CPNE4: variants seen among roughly 807,000 people sequenced by gnomAD.
The protein encoded by CPNE4 is copine 4.
Under a neutral mutation model 67.9 loss-of-function variants are expected in CPNE4, and 25 were observed. The observed-to-expected ratio is 0.37, with a 90% CI of 0.27 to 0.51. The LOEUF is 0.51. Among genes scored for constraint, CPNE4 ranks in the 20% least tolerant of loss-of-function variants. The pLI, the probability that CPNE4 is intolerant of heterozygous loss-of-function variation, is 0.93. For missense variants in CPNE4, 464 were observed against 690.8 expected, an observed-to-expected ratio of 0.67 and a Z score of 3.68; for synonymous variants, 242 against 244.9, an observed-to-expected ratio of 0.99 and a Z score of 0.11.
intron 2 of CPNE4, among the ~76,000 whole-genome samples, chr3:131,752,309 C>G (rs755516157): frequency 1.3e-5 from 2 of 152,156 alleles, no homozygotes; most frequent in Non-Finnish European, 2.9e-5. Flanking sequence ...ATATTTTTCT[C>G]TGGTGTTTGG....
chr3:131,693,760 T>A (rs1453180862), intron 5 of CPNE4, among the ~76,000 whole-genome samples: 1 of 152,128 alleles, frequency 6.6e-6, no homozygotes, highest in Non-Finnish European at 1.5e-5. Context: ...TTACCTCCCC[T>A]CTTCCTGGCT....
chr3:131,826,089 A>G (rs2085147110), intron 2 of CPNE4, among the ~76,000 whole-genome samples: 2 of 152,334 alleles, frequency 1.3e-5, no homozygotes, highest in Non-Finnish European at 2.9e-5. Flanking sequence ...TTCCTTCAAT[A>G]GGACCATTTG....
intron 2 of CPNE4, among the ~76,000 whole-genome samples, chr3:131,899,765 A>G (rs1178119479): frequency 6.6e-6 from 1 of 152,156 alleles, no homozygotes; most frequent in Non-Finnish European, 1.5e-5. Flanking sequence ...CCATTTTCAT[A>G]AAAGTTCTAG....
At chr3:131,714,799 C>T (rs1276879231) in intron 3 of CPNE4, among the ~76,000 whole-genome samples, 1 of 152,064 alleles carries the variant, frequency 6.6e-6, no homozygotes, top group South Asian at 2.1e-4. Context: ...AGTTTGGGAA[C>T]CACTGCCCTG....
chr3:131,860,694 T>C (rs2086640719), intron 2 of CPNE4, among the ~76,000 whole-genome samples: 1 of 151,128 alleles, frequency 6.6e-6, no homozygotes, highest in South Asian at 2.1e-4. Context: ...GGTTTTTTTA[T>C]CTGGAAATAG....
At chr3:131,545,530 A>G (rs2107635099) in intron 14 of CPNE4, among the ~76,000 whole-genome samples, 1 of 152,324 alleles carries the variant, frequency 6.6e-6, no homozygotes, top group East Asian at 1.9e-4. Context: ...AAAAAAACAC[A>G]TATTTTCCTG....
intron 2 of CPNE4, among the ~76,000 whole-genome samples, chr3:131,810,248 C>T (rs2084470961): frequency 6.6e-6 from 1 of 151,964 alleles, no homozygotes; most frequent in African/African-American, 2.4e-5. Context: ...AAACAATCAG[C>T]AAAATGAAGA....
chr3:131,948,356 C>A (rs942458998), intron 1 of CPNE4, among the ~76,000 whole-genome samples: 1 of 152,166 alleles, frequency 6.6e-6, no homozygotes, highest in Non-Finnish European at 1.5e-5. Context: ...GTCCTGCCAT[C>A]CTGTGAAGAA....
intron 8 of CPNE4, among the ~76,000 whole-genome samples, chr3:131,584,162 A>G (rs920999294): frequency 2.0e-5 from 3 of 152,160 alleles, no homozygotes; most frequent in Non-Finnish European, 4.4e-5. Context: ...CTGATGCTAC[A>G]TACTGAGATT....
intron 7 of CPNE4, among the ~76,000 whole-genome samples, chr3:131,649,833 G>T (rs1428642853): frequency 6.6e-6 from 1 of 152,182 alleles, no homozygotes; most frequent in Admixed American, 6.5e-5. Context: ...TGGCCTAAAA[G>T]AAGGCCCATT....
At chr3:131,670,347 G>A (rs1034011315) in intron 6 of CPNE4, among the ~76,000 whole-genome samples, 3 of 152,118 alleles carry the variant, frequency 2.0e-5, no homozygotes, top group African/African-American at 4.8e-5. Context: ...TCCTGGAAAG[G>A]CGTGACAAAG....
chr3:131,630,998 C>G (rs537800016), intron 7 of CPNE4, among the ~76,000 whole-genome samples: 1 of 152,352 alleles, frequency 6.6e-6, no homozygotes, highest in Admixed American at 6.5e-5. Flanking sequence ...GCCACTTGGA[C>G]TGTGAGCTCA....
chr3:131,930,643 G>C (rs1560620845), intron 1 of CPNE4, among the ~76,000 whole-genome samples: 1 of 152,088 alleles, frequency 6.6e-6, no homozygotes, highest in African/African-American at 2.4e-5. Context: ...TTAGTACAGT[G>C]TCTGCCACAT....
At chr3:131,864,442 C>T (rs112087447) in intron 2 of CPNE4, among the ~76,000 whole-genome samples, 11,635 of 151,940 alleles carry the variant, frequency 0.077, 580 homozygotes, top group East Asian at 0.17. Context: ...AGTTGGATTC[C>T]TAGTTATTTT....
chr3:131,917,010 C>A (rs566285585), intron 1 of CPNE4, among the ~76,000 whole-genome samples: 1 of 152,158 alleles, frequency 6.6e-6, no homozygotes, highest in Non-Finnish European at 1.5e-5. Flanking sequence ...GGCTTTTCAT[C>A]ATCTGCCAGT....
At chr3:131,746,239 C>T (rs1201606458) in intron 2 of CPNE4, among the ~76,000 whole-genome samples, 1 of 151,920 alleles carries the variant, frequency 6.6e-6, no homozygotes, top group Non-Finnish European at 1.5e-5. Context: ...AATTAGCATG[C>T]CCACCATCTT....
chr3:132,023,587 A>T (rs1380523186), intron 1 of CPNE4, among the ~76,000 whole-genome samples: 2 of 138,846 alleles, frequency 1.4e-5, no homozygotes, highest in Admixed American at 1.6e-4. Flanking sequence ...TCCCGGGTTC[A>T]CGCCATTCTC....
intron 1 of CPNE4, among the ~76,000 whole-genome samples, chr3:131,917,930 G>T (rs368826860): frequency 5.3e-5 from 8 of 152,208 alleles, no homozygotes; most frequent in East Asian, 1.9e-4. Context: ...CAGTTCCCAG[G>T]GTGGGTAGAG....
intron 2 of CPNE4, among the ~76,000 whole-genome samples, chr3:131,771,838 T>C (rs1362977546): frequency 6.6e-6 from 1 of 152,178 alleles, no homozygotes; most frequent in African/African-American, 2.4e-5. Context: ...CTTCATGTGC[T>C]CCTGGTTCCA....
Sources: gnomAD v4.1 joint callset for allele counts (sites outside exome capture counted in the v4.1 genomes callset) on GRCh38, gnomAD v4.1.1 for gene constraint, MANE v1.5 for transcripts, NCBI Gene and HGNC (gene_info 2026-07-23, HGNC 2026-07-21) for gene names.